The following DRC2 variants were observed in gnomAD, a reference collection of about 807,000 sequenced individuals.
DRC2 encodes the protein dynein regulatory complex subunit 2, also known as coiled-coil domain containing 65.
chr12:48,912,728 G>A, the DRC2 span, among the ~76,000 whole-genome samples: 2 of 152,190 alleles, frequency 1.3e-5, no homozygotes, highest in Admixed American at 6.5e-5. Flanking sequence ...GGGAGATATT[G>A]CTGTGATTTT....
chr12:48,912,385 G>A, the DRC2 span, among the ~76,000 whole-genome samples: 16 of 131,898 alleles, frequency 1.2e-4, no homozygotes, highest in East Asian at 3.9e-3. Flanking sequence ...AGCCAAGATC[G>A]CGCCACTGCG....
At chr12:48,904,217 A>C in the DRC2 span, 1 of 1,393,054 alleles carries the variant, frequency 7.2e-7, no homozygotes, top group Non-Finnish European at 9.7e-7. Flanking sequence ...CGGTCCCACA[A>C]CCGCCCACAA....
chr12:48,904,416 C>T, the DRC2 span: 1 of 1,614,016 alleles, frequency 6.2e-7, no homozygotes, highest in Non-Finnish European at 8.5e-7. Context: ...AAGTTGCTGG[C>T]AGAGGAGGAG....
the DRC2 span, among the ~76,000 whole-genome samples, chr12:48,906,339 T>C: frequency 1.3e-5 from 2 of 150,742 alleles, no homozygotes; most frequent in African/African-American, 4.9e-5. Context: ...GTTTCACTCC[T>C]GTTGCCCAGG....
chr12:48,917,423 C>T, the DRC2 span, among the ~76,000 whole-genome samples: 3 of 151,848 alleles, frequency 2.0e-5, no homozygotes, highest in African/African-American at 2.4e-5. Context: ...GTGATAGCAA[C>T]ACTGCCCTCC....
At chr12:48,919,077 T>A in the DRC2 span, among the ~76,000 whole-genome samples, 9 of 152,154 alleles carry the variant, frequency 5.9e-5, no homozygotes, top group South Asian at 2.1e-4. Flanking sequence ...TAAATTAATT[T>A]ATTTATTTAT....
the DRC2 span, chr12:48,914,358 A>G: frequency 1.3e-6 from 2 of 1,523,512 alleles, no homozygotes; most frequent in East Asian, 2.3e-5. Flanking sequence ...ATTTTCTCAC[A>G]GAGATGCTAT....
the DRC2 span, among the ~76,000 whole-genome samples, chr12:48,908,782 G>C: frequency 6.6e-6 from 1 of 151,064 alleles, no homozygotes; most frequent in Admixed American, 6.6e-5. Flanking sequence ...TGCAATTTTA[G>C]TAGAGATGGG....
the DRC2 span, among the ~76,000 whole-genome samples, chr12:48,908,629 TAGAC>T: frequency 1.3e-5 from 2 of 151,234 alleles, no homozygotes; most frequent in Admixed American, 6.6e-5. Context: ...ATTTTATTTT[TAGAC>T]AGAGTCACCC....
At chr12:48,908,656 A>G in the DRC2 span, among the ~76,000 whole-genome samples, 1 of 151,560 alleles carries the variant, frequency 6.6e-6, no homozygotes, top group Non-Finnish European at 1.5e-5. Context: ...GCAGGAGTGC[A>G]GTGGCACAAT....
the DRC2 span, among the ~76,000 whole-genome samples, chr12:48,910,055 C>T: frequency 6.6e-6 from 1 of 152,206 alleles, no homozygotes; most frequent in Non-Finnish European, 1.5e-5. Context: ...GCTGGGATTA[C>T]AGGAGTGAGC....
chr12:48,906,241 C>T, the DRC2 span, among the ~76,000 whole-genome samples: 2 of 152,056 alleles, frequency 1.3e-5, no homozygotes, highest in Non-Finnish European at 2.9e-5. Flanking sequence ...TAAGAGTCCT[C>T]AAATTTGCAA....
the DRC2 span, chr12:48,914,439 G>C: frequency 1.2e-6 from 2 of 1,613,848 alleles, no homozygotes; most frequent in Non-Finnish European, 1.7e-6. Flanking sequence ...CCGAGGAGCA[G>C]TACGCCCATG....
At chr12:48,904,409 T>A in the DRC2 span, 54 of 1,613,766 alleles carry the variant, frequency 3.3e-5, no homozygotes, top group Middle Eastern at 3.5e-3. Flanking sequence ...TCAGCAGAAG[T>A]TGCTGGCAGA....
At chr12:48,906,527 G>A in the DRC2 span, among the ~76,000 whole-genome samples, 447 of 150,948 alleles carry the variant, frequency 3.0e-3, 2 homozygotes, top group African/African-American at 0.01. Context: ...CAGGTGATCC[G>A]CCCGCCTCAG....
chr12:48,919,930 G>A, the DRC2 span, among the ~76,000 whole-genome samples: 2 of 151,608 alleles, frequency 1.3e-5, no homozygotes, highest in East Asian at 2.0e-4. Context: ...AGACCACCCT[G>A]AGCAACACAG....
At chr12:48,907,943 CTTTAT>C in the DRC2 span, among the ~76,000 whole-genome samples, 18 of 152,180 alleles carry the variant, frequency 1.2e-4, no homozygotes, top group East Asian at 7.7e-4. Context: ...ATTACCCTGG[CTTTAT>C]TTTATTTTAT....
chr12:48,905,189 T>A, the DRC2 span: 1 of 1,299,426 alleles, frequency 7.7e-7, no homozygotes, highest in Non-Finnish European at 1.0e-6. Flanking sequence ...GAATCCATCT[T>A]AAAGCCCTCA....
the DRC2 span, among the ~76,000 whole-genome samples, chr12:48,910,821 G>C: frequency 1.3e-5 from 2 of 152,082 alleles, no homozygotes; most frequent in African/African-American, 4.8e-5. Context: ...AATGCAGGCG[G>C]ATCGCTTGAG....
Sources: gnomAD v4.1 joint callset for allele counts (sites outside exome capture counted in the v4.1 genomes callset) on GRCh38, gnomAD v4.1.1 for gene constraint, MANE v1.5 for transcripts, NCBI Gene and HGNC (gene_info 2026-07-23, HGNC 2026-07-21) for gene names.